WWOX: variants seen among roughly 807,000 people sequenced by gnomAD.
The protein encoded by WWOX is WW domain containing oxidoreductase, also known as WW domain-containing oxidoreductase.
A neutral mutation model predicts 46.2 loss-of-function variants in WWOX; 69 were observed. The ratio of observed to expected loss-of-function variants is 1.49; its 90% confidence interval spans 1.23 to 1.82. WWOX has a LOEUF of 1.82. Among genes scored for constraint, WWOX ranks in the 40% most tolerant of loss-of-function variants. WWOX has a pLI of 0.00. For missense variants in WWOX, 919 were observed against 542.6 expected (o/e 1.69, Z -6.89); for synonymous variants, 359 against 202.6 (o/e 1.77, Z -6.56).
intron 8 of WWOX, among the ~76,000 whole-genome samples, chr16:79,151,723 C>T (rs7201665): frequency 0.058 from 8,801 of 152,180 alleles, 376 homozygotes; most frequent in Non-Finnish European, 0.064. Context: ...TGCTAGTCTC[C>T]GAACGGCCTG....
At chr16:78,676,551 C>T (rs1184903495) in intron 8 of WWOX, among the ~76,000 whole-genome samples, 1 of 152,070 alleles carries the variant, frequency 6.6e-6, no homozygotes, top group Non-Finnish European at 1.5e-5. Context: ...AGTCTAAAAT[C>T]ATCATCATGT....
intron 8 of WWOX, chr16:78,981,958 C>T (rs1020976930): frequency 6.6e-6 from 1 of 152,134 alleles, no homozygotes; most frequent in African/African-American, 2.4e-5. Flanking sequence ...GCTGGAGAGA[C>T]CCTCCCAGAA....
chr16:79,180,943 C>G (rs2050899293), intron 8 of WWOX, among the ~76,000 whole-genome samples: 1 of 152,172 alleles, frequency 6.6e-6, no homozygotes, highest in Non-Finnish European at 1.5e-5. Flanking sequence ...TTCCCTATTC[C>G]AGGCACATGC....
chr16:79,128,798 G>C (rs1597399330), intron 8 of WWOX, among the ~76,000 whole-genome samples: 1 of 152,156 alleles, frequency 6.6e-6, no homozygotes, highest in Non-Finnish European at 1.5e-5. Context: ...CGGAGGCTAG[G>C]TCTCCTTACA....
intron 8 of WWOX, among the ~76,000 whole-genome samples, chr16:78,774,185 G>A (rs577017666): frequency 1.5e-3 from 224 of 152,242 alleles, no homozygotes; most frequent in Non-Finnish European, 4.7e-4. Context: ...GGCAGATCAT[G>A]AGGTCAGGAG....
chr16:79,197,886 A>G (rs1008100513), intron 8 of WWOX, among the ~76,000 whole-genome samples: 1 of 152,132 alleles, frequency 6.6e-6, no homozygotes, highest in East Asian at 1.9e-4. Flanking sequence ...TCACTTTCCA[A>G]TCAGCAGGAA....
intron 5 of WWOX, among the ~76,000 whole-genome samples, chr16:78,353,320 G>A (rs1225139099): frequency 6.6e-6 from 1 of 152,178 alleles, no homozygotes; most frequent in Non-Finnish European, 1.5e-5. Context: ...GAGAGGTAAA[G>A]CACTGTGCAG....
rs115403345 is a variant in WWOX, at chr16:78,344,082, C to T, written c.517-42778C>T. ...AATGTTCCAGAATGCCATTATTCTT[C>T]GTCACCACGGTCAGGTATATCATCC... On this transcript the variant is annotated intron_variant, in intron 5 of 8. Transcript: ENST00000566780. Among the ~76,000 whole-genome samples, 413 of 118,966 alleles carry T rather than the reference C, an allele frequency of 3.5e-3. 77 individuals carry two copies. The highest frequency in any genetic ancestry group is 0.011 in the African/African-American group (395 of 35,004). The allele number at this position is 118,966 out of a possible 152,430, so 78.0% of individuals were successfully genotyped here. A position where few individuals can be genotyped will look rare whatever the true frequency, so the allele number is the denominator to read the frequency against.
In WWOX at chr16:78,412,479, C is replaced by G. The variant is rs183651676; in HGVS notation, c.606-12391C>G. On this transcript the variant is annotated intron_variant, in intron 6 of 8. Transcript: ENST00000566780. ...TTCGGAGTCATGGATTTGGAAGAAA[C>G]TGCTGCAGGGAAGATTTTAGAGATG... 8.1e-3 allele frequency among the ~76,000 whole-genome samples: 1,232 copies of G among 152,160 alleles called. 13 individuals carry two copies. Among genetic ancestry groups the G allele is most frequent in the South Asian group, 0.015 (73 of 4,816 alleles).
chr16:79,076,486 C>A (rs1281442194), intron 8 of WWOX, among the ~76,000 whole-genome samples: 1 of 152,206 alleles, frequency 6.6e-6, no homozygotes, highest in East Asian at 1.9e-4. Context: ...GCTGCTGGCT[C>A]CTTGGCTTGT....
chr16:78,174,502 C>A (rs892582214), intron 5 of WWOX, among the ~76,000 whole-genome samples: 1 of 152,250 alleles, frequency 6.6e-6, no homozygotes, highest in Non-Finnish European at 1.5e-5. Context: ...TCACAGCATT[C>A]TACCCCAGCC....
At chr16:78,496,385 G>T (rs2084919233) in intron 8 of WWOX, 2 of 152,248 alleles carry the variant, frequency 1.3e-5, no homozygotes, top group Non-Finnish European at 2.9e-5. Flanking sequence ...CACTGCAGAT[G>T]TCCTTGTCGT....
chr16:78,859,401 C>G (rs1008642441), intron 8 of WWOX, among the ~76,000 whole-genome samples: 1 of 151,990 alleles, frequency 6.6e-6, no homozygotes, highest in Non-Finnish European at 1.5e-5. Context: ...CCTTGCAGTA[C>G]TTTTGGGAAT....
chr16:78,900,314 G>A (rs1027314104), intron 8 of WWOX, among the ~76,000 whole-genome samples: 7 of 152,200 alleles, frequency 4.6e-5, no homozygotes, highest in Non-Finnish European at 7.4e-5. Context: ...TGAACATGTT[G>A]AAATCTATGC....
chr16:78,691,639 T>C (rs1459676517), intron 8 of WWOX, among the ~76,000 whole-genome samples: 1 of 152,072 alleles, frequency 6.6e-6, no homozygotes, highest in African/African-American at 2.4e-5. Context: ...GCCTAGGAGG[T>C]TGAGAGTGCA....
At chr16:78,446,289 G>C (rs988201853) in intron 8 of WWOX, among the ~76,000 whole-genome samples, 1 of 152,192 alleles carries the variant, frequency 6.6e-6, no homozygotes, top group African/African-American at 2.4e-5. Flanking sequence ...GAAAGAGCAT[G>C]CGCTTTTGAC....
intron 8 of WWOX, among the ~76,000 whole-genome samples, chr16:78,751,461 T>TTGTA (rs368019503): frequency 3.9e-5 from 5 of 128,438 alleles, no homozygotes; most frequent in Non-Finnish European, 8.1e-5. Context: ...TTATCAGATT[T>TTGTA]TATATATATA....
intron 8 of WWOX, among the ~76,000 whole-genome samples, chr16:78,990,458 A>C (rs1405138105): frequency 6.6e-6 from 1 of 152,118 alleles, no homozygotes; most frequent in Non-Finnish European, 1.5e-5. Context: ...GTCCGGAGCT[A>C]CTAAAGGTCA....
chr16:78,582,206 T>TA (rs746339055), intron 8 of WWOX, among the ~76,000 whole-genome samples: 7 of 152,330 alleles, frequency 4.6e-5, no homozygotes, highest in Non-Finnish European at 7.3e-5. Context: ...AGAATGTTCC[T>TA]AAGTGGTCAA....
Sources: allele counts gnomAD v4.1 joint callset (sites outside exome capture counted in the v4.1 genomes callset), GRCh38; gene constraint gnomAD v4.1.1; transcripts MANE v1.5; gene names NCBI Gene and HGNC (gene_info 2026-07-23, HGNC 2026-07-21).